The following GTF2A1 variants were observed in gnomAD, a reference collection of about 807,000 sequenced individuals.
The protein encoded by GTF2A1 is transcription initiation factor IIA subunit 1.
Under a neutral mutation model 54.1 loss-of-function variants are expected in GTF2A1, and 12 were observed. That is an observed-to-expected ratio of 0.22 (90% CI 0.14 to 0.36). The LOEUF (loss-of-function observed/expected upper bound fraction) is 0.36, where lower values mean the gene tolerates loss of function less well. Among genes scored for constraint, GTF2A1 ranks in the 10% least tolerant of loss-of-function variants. The pLI is 1.00. For missense variants in GTF2A1, 335 were observed against 442.2 expected (o/e 0.76, Z 2.17); for synonymous variants, 145 against 152.0 (o/e 0.95, Z 0.34).
At chr14:81,185,714 A>C in intron 7 of GTF2A1, 94 bp from the exon 8 acceptor site, 1 of 630,176 alleles carries the variant, frequency 1.6e-6, no homozygotes, top group East Asian at 2.8e-5. Context: ...TTGAGAACCA[A>C]ATGCCAAATG....
intron 1 of GTF2A1, among the ~76,000 whole-genome samples, chr14:81,219,470 A>G (rs546083439): frequency 6.6e-6 from 1 of 152,332 alleles, no homozygotes; most frequent in Admixed American, 6.5e-5. Context: ...CAATGGCTCT[A>G]TATAAACAGG....
intron 7 of GTF2A1, among the ~76,000 whole-genome samples, chr14:81,186,092 C>G (rs1892738848): frequency 1.7e-5 from 1 of 58,856 alleles, no homozygotes; most frequent in Admixed American, 1.2e-4. Context: ...ACCTCGTGAT[C>G]CACCCCGCCT....
At chr14:81,183,929 A>C (rs957180776) in intron 8 of GTF2A1, among the ~76,000 whole-genome samples, 2 of 152,172 alleles carry the variant, frequency 1.3e-5, no homozygotes, top group Non-Finnish European at 2.9e-5. Flanking sequence ...GTCAAAGAAA[A>C]CTGCTGTTCT....
rs763840766 is a variant in GTF2A1 at position 81,180,339 on chromosome 14, AAAC to A, written c.1024-12_1024-10del. On this transcript the variant is annotated splice_polypyrimidine_tract_variant and intron_variant, in intron 8 of 8. Transcript: ENST00000553612. Reference sequence around the variant, plus strand: ...TTTTTACTTCTGTGTATCTAAACAAAAACAACATTTTAAAAATTGAGAGATACA... The same window carrying A: ...TTTTTACTTCTGTGTATCTAAACAAAAACATTTTAAAAATTGAGAGATACA... 19 of 1,143,700 alleles carry A rather than the reference AAAC, an allele frequency of 1.7e-5. No homozygotes were observed. Among genetic ancestry groups the A allele is most frequent in the African/African-American group, 3.1e-5 (2 of 64,712 alleles). The allele number at this position is 1,143,700 out of a possible 1,614,324, so 70.8% of individuals were successfully genotyped here. A position where few individuals can be genotyped will look rare whatever the true frequency, so the allele number is the denominator to read the frequency against.
In GTF2A1 at chr14:81,178,113, G is replaced by T. The variant is rs935572898; in HGVS notation, c.*2110C>A. 1 of 152,054 alleles carries T rather than the reference G, an allele frequency of 6.6e-6. No individual in the cohort carries two copies. Among genetic ancestry groups the T allele is most frequent in the African/African-American group, 2.4e-5 (1 of 41,418 alleles). 9.4% of individuals were successfully genotyped at this position (152,054 alleles called of 1,614,324 possible). On this transcript the variant is annotated 3_prime_UTR_variant, in exon 9 of 9. Coordinates refer to ENST00000553612, the MANE Select transcript of GTF2A1 (RefSeq NM_015859.4). ...ACAGGCCAGTATACAACACTACTAT[G>T]AATATGAATGTTTGTCTACATAGAG...
intron 2 of GTF2A1, among the ~76,000 whole-genome samples, chr14:81,208,220 AGGGATTTG>A (rs1470178590): frequency 6.6e-6 from 1 of 152,104 alleles, no homozygotes; most frequent in African/African-American, 2.4e-5. Flanking sequence ...TGTGCAGCCT[AGGGATTTG>A]GTGCCCTGTG....
rs1892595873 is a variant in GTF2A1 at position 81,179,508 on chromosome 14, C to A, written c.*715G>T. On this transcript the variant is annotated 3_prime_UTR_variant, in exon 9 of 9. Coordinates refer to ENST00000553612, the MANE Select transcript of GTF2A1 (RefSeq NM_015859.4). ...GAAATTAAAGTTGTGGTTTCAATTC[C>A]ACTGAACTCAGACAAGACCCAAGTC... 1 of 152,116 alleles carries A rather than the reference C, an allele frequency of 6.6e-6. No individual in the cohort carries two copies. Among genetic ancestry groups the A allele is most frequent in the Non-Finnish European group, 1.5e-5 (1 of 68,020 alleles). 9.4% of individuals were successfully genotyped at this position (152,116 alleles called of 1,614,324 possible). A position where few individuals can be genotyped will look rare whatever the true frequency, so the allele number is the denominator to read the frequency against.
intron 3 of GTF2A1, 65 bp from the exon 4 acceptor site, chr14:81,201,723 C>A (rs1429829272): frequency 3.8e-6 from 4 of 1,040,010 alleles, no homozygotes; most frequent in Non-Finnish European, 6.0e-6. Context: ...CACAAGAACA[C>A]TTTACATACA....
chr14:81,220,391 G>T, intron 1 of GTF2A1, 98 bp downstream of exon 1: 1 of 751,012 alleles, frequency 1.3e-6, no homozygotes, highest in Non-Finnish European at 2.0e-6. Flanking sequence ...CGGCTGAAGA[G>T]TCGAGGCCGG....
At chr14:81,211,074 CATT>C (rs1893354060) in intron 2 of GTF2A1, among the ~76,000 whole-genome samples, 1 of 152,112 alleles carries the variant, frequency 6.6e-6, no homozygotes, top group Admixed American at 6.6e-5. Context: ...ATAAGATAGA[CATT>C]ATTATCTCCC....
At chr14:81,205,838 T>C (rs903933690) in intron 2 of GTF2A1, among the ~76,000 whole-genome samples, 1 of 152,226 alleles carries the variant, frequency 6.6e-6, no homozygotes, top group Non-Finnish European at 1.5e-5. Context: ...CTGATTCATC[T>C]CTGTAAAGTA....
intron 6 of GTF2A1, 112 bp from the exon 7 acceptor site, chr14:81,192,951 G>A (rs1198262102): frequency 1.2e-5 from 8 of 672,576 alleles, no homozygotes; most frequent in Admixed American, 8.1e-5. Flanking sequence ...TTCATACACA[G>A]TTAAAAACTA....
intron 2 of GTF2A1, among the ~76,000 whole-genome samples, chr14:81,211,171 C>A (rs1893355918): frequency 6.6e-6 from 1 of 152,150 alleles, no homozygotes; most frequent in Admixed American, 6.5e-5. Context: ...AGGGATATAA[C>A]CCAGGTGGTC....
In GTF2A1 at chr14:81,192,625, G is replaced by T; in HGVS notation, c.827C>A (p.Thr276Asn). 1 of 1,613,490 alleles carries T rather than the reference G, an allele frequency of 6.2e-7. No individual in the cohort carries two copies. Among genetic ancestry groups the T allele is most frequent in the Non-Finnish European group, 8.5e-7 (1 of 1,179,434 alleles). Residue 276 changes from threonine to asparagine, a missense_variant, in exon 7 of 9, where the codon ACT becomes AAT. By Grantham distance (65) the Thr-to-Asn change is moderately conservative. Coordinates refer to ENST00000553612, the MANE Select transcript of GTF2A1 (RefSeq NM_015859.4). ...ATCTTCTTCAGATGATGTATCCCCAGTTCCATCAACTTGTAAGACCAATGG... is the reference window on the plus strand; with the variant it reads ...ATCTTCTTCAGATGATGTATCCCCATTTCCATCAACTTGTAAGACCAATGG... The part of the protein sequence containing the change: ...QAPLVLQVDG[T>N]GDTSSEEDED...
At chr14:81,213,929 G>A (rs1200283792) in intron 2 of GTF2A1, among the ~76,000 whole-genome samples, 14 of 148,994 alleles carry the variant, frequency 9.4e-5, no homozygotes, top group African/African-American at 3.2e-4. Flanking sequence ...TGCAACCCCC[G>A]CCTCCTGGGT....
At chr14:81,185,476 T>A in intron 8 of GTF2A1, 55 bp downstream of exon 8, 1 of 959,394 alleles carries the variant, frequency 1.0e-6, no homozygotes, top group Non-Finnish European at 1.7e-6. Flanking sequence ...AAGAATAATG[T>A]AGGGAAGAAA....
intron 2 of GTF2A1, among the ~76,000 whole-genome samples, chr14:81,214,806 T>C: frequency 6.6e-6 from 1 of 152,294 alleles, no homozygotes; most frequent in African/African-American, 2.4e-5. Context: ...AACATTTTTC[T>C]GAAAATAGCC....
intron 3 of GTF2A1, chr14:81,202,864 T>A (rs775002819): frequency 1.3e-5 from 6 of 473,684 alleles, no homozygotes; most frequent in Non-Finnish European, 2.5e-5. Context: ...AATTATTTGA[T>A]ACAAAGTACA....
At chr14:81,190,247 GA>G (rs1486683727) in intron 7 of GTF2A1, among the ~76,000 whole-genome samples, 2 of 148,836 alleles carry the variant, frequency 1.3e-5, no homozygotes. Flanking sequence ...AATATCAACA[GA>G]AGAATTAAAT....
Sources: gnomAD v4.1 joint callset for allele counts (sites outside exome capture counted in the v4.1 genomes callset) on GRCh38, gnomAD v4.1.1 for gene constraint, MANE v1.5 for transcripts, NCBI Gene and HGNC (gene_info 2026-07-23, HGNC 2026-07-21) for gene names.